Variants in SEMA5A observed in about 807,000 individuals in gnomAD.
SEMA5A encodes semaphorin 5A.
A neutral mutation model predicts 135.5 loss-of-function variants in SEMA5A; 55 were observed. The observed-to-expected ratio is 0.41, with a 90% CI of 0.33 to 0.51. SEMA5A has a LOEUF of 0.51. Among genes scored for constraint, SEMA5A ranks in the 20% least tolerant of loss-of-function variants. SEMA5A has a pLI of 0.37. For missense variants in SEMA5A, 1,290 were observed against 1,419.9 expected, an observed-to-expected ratio of 0.91 and a Z score of 1.47; for synonymous variants, 580 against 546.5, an observed-to-expected ratio of 1.06 and a Z score of -0.85.
At chr5:9,518,186 ATTGT>A (rs1303428437) in intron 1 of SEMA5A, 5 of 152,176 alleles carry the variant, frequency 3.3e-5, no homozygotes, top group Non-Finnish European at 7.3e-5. Flanking sequence ...ACCATCATAA[ATTGT>A]TTGATTTGCT....
chr5:9,318,530 C>A, intron 4 of SEMA5A, 113 bp from the exon 5 acceptor site: 1 of 849,856 alleles, frequency 1.2e-6, no homozygotes, highest in Non-Finnish European at 1.8e-6. Context: ...AAAGCATCTT[C>A]TTTCTAAGAA....
In SEMA5A at chr5:9,115,846, C is replaced by A. The variant is rs117833941; in HGVS notation, c.1925+3152G>T. Among the ~76,000 whole-genome samples the A allele has an allele frequency of 3.6e-4, 55 of 152,256 alleles. 1 individual carries two copies. The East Asian group carries it at 0.01, about 29-fold the overall frequency. On this transcript the variant is annotated intron_variant, in intron 15 of 22. Coordinates refer to ENST00000382496, the MANE Select transcript of SEMA5A (RefSeq NM_003966.3). ...GGTTGTGGAGGCCTGTGTCTTACTT[C>A]CAAACAACAGAATATGGCAAAGGGG... is the stretch of plus-strand genomic sequence containing the variant.
intron 3 of SEMA5A, among the ~76,000 whole-genome samples, chr5:9,343,536 G>A (rs1450350312): frequency 1.3e-5 from 2 of 152,128 alleles, no homozygotes; most frequent in Non-Finnish European, 2.9e-5. Context: ...TCCTGAAGTT[G>A]TGAAAAGATC....
chr5:9,490,419 A>G (rs1734944927), intron 1 of SEMA5A, among the ~76,000 whole-genome samples: 1 of 152,170 alleles, frequency 6.6e-6, no homozygotes, highest in Non-Finnish European at 1.5e-5. Context: ...TTCTTCTTTC[A>G]TAGGATCCAT....
intron 11 of SEMA5A, among the ~76,000 whole-genome samples, chr5:9,165,658 T>C (rs1026740753): frequency 3.3e-5 from 5 of 152,218 alleles, no homozygotes; most frequent in African/African-American, 9.6e-5. Flanking sequence ...GCATTTCTAG[T>C]GTTTGGCTCA....
intron 11 of SEMA5A, among the ~76,000 whole-genome samples, chr5:9,178,890 ATC>A (rs1744352531): frequency 6.6e-6 from 1 of 152,196 alleles, no homozygotes; most frequent in East Asian, 1.9e-4. Context: ...CAGGATAAAT[ATC>A]TGTTAAAAAT....
At chr5:9,084,201 C>T (rs1287858593) in intron 16 of SEMA5A, among the ~76,000 whole-genome samples, 1 of 152,290 alleles carries the variant, frequency 6.6e-6, no homozygotes, top group South Asian at 2.1e-4. Flanking sequence ...TTTGTAAATA[C>T]TCAAGATGTG....
chr5:9,436,136 C>T (rs1004302563), intron 2 of SEMA5A, among the ~76,000 whole-genome samples: 4 of 152,126 alleles, frequency 2.6e-5, no homozygotes, highest in Non-Finnish European at 4.4e-5. Flanking sequence ...CCCAAGAATA[C>T]GAACCTGAAA....
chr5:9,310,677 A>T (rs1476892321), intron 5 of SEMA5A, among the ~76,000 whole-genome samples: 1 of 151,704 alleles, frequency 6.6e-6, no homozygotes, highest in Non-Finnish European at 1.5e-5. Context: ...TAGAGAGGGT[A>T]TTATAAATTG....
intron 13 of SEMA5A, among the ~76,000 whole-genome samples, chr5:9,132,036 C>T (rs933995571): frequency 6.6e-6 from 1 of 152,176 alleles, no homozygotes; most frequent in African/African-American, 2.4e-5. Context: ...TTAGATTTTA[C>T]TGATGCACTT....
At chr5:9,157,489 T>C (rs1256990459) in intron 11 of SEMA5A, among the ~76,000 whole-genome samples, 1 of 152,160 alleles carries the variant, frequency 6.6e-6, no homozygotes, top group East Asian at 1.9e-4. Flanking sequence ...CCAGGGCCGA[T>C]GATGGGACCT....
At chr5:9,268,850 A>T (rs1415788254) in intron 5 of SEMA5A, among the ~76,000 whole-genome samples, 1 of 152,120 alleles carries the variant, frequency 6.6e-6, no homozygotes, top group Non-Finnish European at 1.5e-5. Flanking sequence ...TTGCTTAATA[A>T]TTTGGGGATA....
chr5:9,337,761 G>A lies in SEMA5A; in HGVS notation c.176C>T (p.Ser59Leu), dbSNP rs1174089436. The A allele has an allele frequency of 1.2e-6, 2 of 1,611,686 alleles. No individual in the cohort carries two copies. Among genetic ancestry groups the A allele is most frequent in the African/African-American group, 1.3e-5 (1 of 74,868 alleles). Residue 59 changes from serine (S) to leucine (L), a missense_variant, in exon 4 of 23, where the codon TCG becomes TTG. By Grantham distance (145) the Ser-to-Leu change is moderately radical. This residue lies in a region of SEMA5A where 116 missense variants were observed against 121.3 expected (regional missense o/e 0.96). Coordinates refer to ENST00000382496, the MANE Select transcript of SEMA5A (RefSeq NM_003966.3). ...CTGTCCTGGGTCAAATGTTAACTGC[G>A]AGAAATCCACAGCATTCTTCGCTCT... Reference protein sequence around the residue: ...EFRAKNAVDFSQLTFDPGQKE... With the variant: ...EFRAKNAVDFLQLTFDPGQKE...
intron 6 of SEMA5A, among the ~76,000 whole-genome samples, chr5:9,231,717 G>C (rs902203863): frequency 6.6e-6 from 1 of 152,040 alleles, no homozygotes; most frequent in Non-Finnish European, 1.5e-5. Context: ...TTCTTTTAAA[G>C]GTTTCTCTTA....
chr5:9,314,286 G>A (rs565788144), intron 5 of SEMA5A, among the ~76,000 whole-genome samples: 5 of 150,652 alleles, frequency 3.3e-5, no homozygotes, highest in African/African-American at 4.9e-5. Context: ...GCGCACCAGC[G>A]ATCCAGAACA....
At chr5:9,251,687 A>G (rs1166144953) in intron 5 of SEMA5A, among the ~76,000 whole-genome samples, 1 of 152,220 alleles carries the variant, frequency 6.6e-6, no homozygotes, top group African/African-American at 2.4e-5. Flanking sequence ...GGAGCAAAGC[A>G]AAAACAGAAT....
chr5:9,401,987 A>G (rs1274529195), intron 2 of SEMA5A, among the ~76,000 whole-genome samples: 1 of 152,210 alleles, frequency 6.6e-6, no homozygotes, highest in African/African-American at 2.4e-5. Context: ...TCTACAACAT[A>G]GAAAATTGTG....
intron 2 of SEMA5A, among the ~76,000 whole-genome samples, chr5:9,407,847 T>C (rs1225405045): frequency 6.6e-6 from 1 of 151,826 alleles, no homozygotes; most frequent in Non-Finnish European, 1.5e-5. Context: ...AAAAGAAGAG[T>C]CTGTAGTCCT....
intron 4 of SEMA5A, among the ~76,000 whole-genome samples, chr5:9,324,069 AT>A (rs917543524): frequency 1.4e-5 from 2 of 144,302 alleles, no homozygotes; most frequent in Non-Finnish European, 3.0e-5. Flanking sequence ...ACAATATTTT[AT>A]TTTATTTTTT....
Sources: gnomAD v4.1 joint callset for allele counts (sites outside exome capture counted in the v4.1 genomes callset) on GRCh38, gnomAD v4.1.1 for gene constraint, gnomAD v4.1.1 regional missense constraint, MANE v1.5 for transcripts, NCBI Gene and HGNC (gene_info 2026-07-23, HGNC 2026-07-21) for gene names.